Variants in PPFIA2 observed in about 807,000 individuals in gnomAD.
PPFIA2 encodes PPFI scaffold protein A2.
PPFIA2 carries 46 observed loss-of-function variants against 175.5 expected under a neutral mutation model. The observed-to-expected ratio is 0.26, with a 90% confidence interval of 0.21 to 0.34. The LOEUF is 0.34. Ranked by LOEUF, PPFIA2 falls within the 10% of genes least tolerant of loss-of-function variation. The pLI, the probability that PPFIA2 is intolerant of heterozygous loss-of-function variation, is 1.00. For missense variants in PPFIA2, 1,179 were observed against 1,506.1 expected, an observed-to-expected ratio of 0.78 and a Z score of 3.60; for synonymous variants, 568 against 511.4, an observed-to-expected ratio of 1.11 and a Z score of -1.49.
At chr12:81,714,759 T>C (rs1034251899) in intron 3 of PPFIA2, among the ~76,000 whole-genome samples, 11 of 151,146 alleles carry the variant, frequency 7.3e-5, no homozygotes, top group Non-Finnish European at 1.5e-4. Context: ...TCATAAAACA[T>C]ATGTGGTTGA....
At chr12:81,466,276 A>G (rs1398969101) in intron 4 of PPFIA2, among the ~76,000 whole-genome samples, 1 of 152,146 alleles carries the variant, frequency 6.6e-6, no homozygotes, top group African/African-American at 2.4e-5. Flanking sequence ...CTTTTTCCTA[A>G]AACTGCATAA....
chr12:81,488,335 GACA>G (rs2059064746), intron 4 of PPFIA2, among the ~76,000 whole-genome samples: 1 of 144,232 alleles, frequency 6.9e-6, no homozygotes, highest in Non-Finnish European at 1.6e-5. Context: ...CTTTTCACCT[GACA>G]TTTTGCCATT....
chr12:81,618,690 A>G (rs10862329), intron 4 of PPFIA2, among the ~76,000 whole-genome samples: 80,799 of 151,100 alleles, frequency 0.53, 22,443 homozygotes, highest in Middle Eastern at 0.61. Context: ...CACCACGCCC[A>G]GCTAATTTTT....
chr12:81,639,389 C>A (rs1201238370), intron 4 of PPFIA2, among the ~76,000 whole-genome samples: 1 of 152,032 alleles, frequency 6.6e-6, no homozygotes, highest in African/African-American at 2.4e-5. Context: ...CATTCACTCC[C>A]AAGCCTAGAA....
intron 3 of PPFIA2, among the ~76,000 whole-genome samples, chr12:81,723,921 C>T (rs1291297334): frequency 6.6e-6 from 1 of 150,772 alleles, no homozygotes; most frequent in Non-Finnish European, 1.5e-5. Flanking sequence ...TTAATTTTAT[C>T]TAAATTATCA....
chr12:81,328,716 T>A lies in PPFIA2; in HGVS notation c.2549-2846A>T, dbSNP rs146726675. Among the ~76,000 whole-genome samples, 14 of 152,232 alleles carry A rather than the reference T, an allele frequency of 9.2e-5. No individual in the cohort carries two copies. In the East Asian group the frequency reaches 2.7e-3, roughly 29 times the overall value. On this transcript the variant is annotated intron_variant, in intron 21 of 32. Transcript: ENST00000549396. ...GAGGGAGGGTGCATTTTTTTGGGTATTATAATGATTGGCACATATTGGACA... is the reference window on the plus strand; with the variant it reads ...GAGGGAGGGTGCATTTTTTTGGGTAATATAATGATTGGCACATATTGGACA...
intron 4 of PPFIA2, among the ~76,000 whole-genome samples, chr12:81,548,136 T>C (rs948390367): frequency 6.6e-6 from 1 of 152,180 alleles, no homozygotes; most frequent in Non-Finnish European, 1.5e-5. Context: ...TTCCAAAGTC[T>C]ATATAATCAA....
chr12:81,601,560 A>G (rs1206450443), intron 4 of PPFIA2, among the ~76,000 whole-genome samples: 1 of 151,708 alleles, frequency 6.6e-6, no homozygotes, highest in Non-Finnish European at 1.5e-5. Context: ...GCCTAAAGGA[A>G]ATAATAAGTA....
intron 24 of PPFIA2, among the ~76,000 whole-genome samples, chr12:81,287,451 C>T (rs191694925): frequency 2.6e-5 from 4 of 151,936 alleles, no homozygotes; most frequent in Admixed American, 1.3e-4. Context: ...TAAGCATATA[C>T]CCAGGACAAT....
chr12:81,671,719 C>A (rs1215481066), intron 4 of PPFIA2, among the ~76,000 whole-genome samples: 3 of 151,898 alleles, frequency 2.0e-5, no homozygotes, highest in Non-Finnish European at 4.4e-5. Flanking sequence ...CTTTATCTGC[C>A]ATGCCCAGGT....
chr12:81,272,622 G>C (rs894674691), intron 28 of PPFIA2, among the ~76,000 whole-genome samples: 3 of 151,890 alleles, frequency 2.0e-5, no homozygotes, highest in Admixed American at 6.6e-5. Context: ...GTCAACTATG[G>C]ATATGTTTCT....
intron 11 of PPFIA2, 43 bp from the exon 12 acceptor site, chr12:81,369,237 G>C (rs773987867): frequency 1.6e-5 from 26 of 1,588,280 alleles, no homozygotes; most frequent in Non-Finnish European, 2.2e-5. Context: ...GTAAGATTTG[G>C]TTAACACTTT....
chr12:81,366,349 C>T (rs958104556), intron 14 of PPFIA2, among the ~76,000 whole-genome samples: 1 of 151,606 alleles, frequency 6.6e-6, no homozygotes, highest in Non-Finnish European at 1.5e-5. Flanking sequence ...TGATTCCAGC[C>T]AAATAGTTGT....
At chr12:81,337,687 A>G (rs2057345924) in intron 21 of PPFIA2, among the ~76,000 whole-genome samples, 1 of 152,116 alleles carries the variant, frequency 6.6e-6, no homozygotes, top group African/African-American at 2.4e-5. Flanking sequence ...AATTATGGCA[A>G]CTAAGATGAA....
chr12:81,306,542 T>G (rs1453175573), intron 22 of PPFIA2, among the ~76,000 whole-genome samples: 1 of 36,320 alleles, frequency 2.8e-5, no homozygotes. Context: ...TGTTTCGTTG[T>G]TTTTTTTTTT....
At chr12:81,592,252 G>A (rs1336462889) in intron 4 of PPFIA2, among the ~76,000 whole-genome samples, 2 of 152,124 alleles carry the variant, frequency 1.3e-5, no homozygotes, top group Non-Finnish European at 2.9e-5. Flanking sequence ...GCAACTTGCT[G>A]TTGATTTTAC....
chr12:81,422,639 T>A (rs566561392), intron 7 of PPFIA2, among the ~76,000 whole-genome samples: 2 of 152,094 alleles, frequency 1.3e-5, no homozygotes, highest in Non-Finnish European at 2.9e-5. Flanking sequence ...GGAGCTCTTA[T>A]AATAACCCTC....
chr12:81,283,808 T>A (rs1239021023), intron 25 of PPFIA2, among the ~76,000 whole-genome samples: 1 of 152,088 alleles, frequency 6.6e-6, no homozygotes, highest in Non-Finnish European at 1.5e-5. Context: ...TTTGGGGGTT[T>A]TTTTGGTCAA....
Position 81,498,941 on chromosome 12 carries a change from G to A in PPFIA2, c.304-41075C>T, listed in dbSNP as rs76347238. Among the ~76,000 whole-genome samples, 617 of 152,292 alleles carry A rather than the reference G, an allele frequency of 4.1e-3. 4 individuals are homozygous for A. The highest frequency in any genetic ancestry group is 0.014 in the African/African-American group (573 of 41,558). On this transcript the variant is annotated intron_variant, in intron 4 of 32. Transcript: ENST00000549396. ...CCCGGCATCATGGGGATTGTAAAAT[G>A]CATGTTTCCCATTGAGAAAGTGAGG...
Sources: allele counts gnomAD v4.1 joint callset (sites outside exome capture counted in the v4.1 genomes callset), GRCh38; gene constraint gnomAD v4.1.1; transcripts MANE v1.5; gene names NCBI Gene and HGNC (gene_info 2026-07-23, HGNC 2026-07-21).